The following XPNPEP1 variants were observed in gnomAD, a reference collection of about 807,000 sequenced individuals.
The protein encoded by XPNPEP1 is xaa-Pro aminopeptidase 1.
In XPNPEP1, 39 loss-of-function variants were observed where a neutral mutation model predicts 92.4. The observed-to-expected ratio is 0.42, with a 90% CI of 0.33 to 0.55. The LOEUF (loss-of-function observed/expected upper bound fraction) is 0.55. XPNPEP1 is among the 20% of genes least tolerant of loss of function. The probability of loss-of-function intolerance (pLI) is 0.08; values close to 1 mark genes in which losing one functional copy is unlikely to be tolerated. For missense variants in XPNPEP1, 654 were observed against 856.1 expected (o/e 0.76, Z 2.95); for synonymous variants, 307 against 299.4 (o/e 1.03, Z -0.26).
chr10:109,875,009 T>C (rs17126853), intron 15 of XPNPEP1, among the ~76,000 whole-genome samples: 3,878 of 152,256 alleles, frequency 0.025, 88 homozygotes, highest in Middle Eastern at 0.061. Context: ...ACTCCTTCTT[T>C]TGGGTTCCGT....
At chr10:109,898,340 T>C (rs1352545973) in intron 3 of XPNPEP1, among the ~76,000 whole-genome samples, 4 of 152,250 alleles carry the variant, frequency 2.6e-5, no homozygotes, top group African/African-American at 4.8e-5. Flanking sequence ...CTTGACTCTA[T>C]AGCAAACATA....
chr10:109,888,028 G>A, intron 7 of XPNPEP1, 21 bp downstream of exon 7: 5 of 1,612,946 alleles, frequency 3.1e-6, no homozygotes, highest in Non-Finnish European at 4.2e-6. Context: ...GGCCCTGCTG[G>A]GCAGAACCAT....
At chr10:109,877,713 A>T in intron 14 of XPNPEP1, 77 bp downstream of exon 14, 2 of 1,578,578 alleles carry the variant, frequency 1.3e-6, no homozygotes, top group Non-Finnish European at 1.7e-6. Flanking sequence ...GCCTCTGGTA[A>T]AATAATGTCT....
chr10:109,913,952 T>C (rs1259062182), intron 2 of XPNPEP1, among the ~76,000 whole-genome samples: 2 of 152,200 alleles, frequency 1.3e-5, no homozygotes, highest in Non-Finnish European at 1.5e-5. Flanking sequence ...TGGTCCAAAA[T>C]GTGTTGGATA....
At chr10:109,895,159 G>T (rs990052480) in intron 3 of XPNPEP1, among the ~76,000 whole-genome samples, 2 of 152,220 alleles carry the variant, frequency 1.3e-5, no homozygotes, top group East Asian at 3.8e-4. Context: ...AAAAATCACT[G>T]CGCACAATGG....
chr10:109,885,352 A>T (rs1202203372), intron 8 of XPNPEP1, among the ~76,000 whole-genome samples: 1 of 152,184 alleles, frequency 6.6e-6, no homozygotes, highest in Non-Finnish European at 1.5e-5. Flanking sequence ...ATTGACACTG[A>T]TTATCTCTAA....
chr10:109,869,755 T>A (rs1359352388), intron 19 of XPNPEP1, 198 bp downstream of exon 19: 3 of 515,566 alleles, frequency 5.8e-6, no homozygotes, highest in Non-Finnish European at 1.0e-5. Flanking sequence ...AAGTCCCTGA[T>A]ATCTGGAGAA....
chr10:109,874,895 G>A (rs1847694030), intron 15 of XPNPEP1, among the ~76,000 whole-genome samples: 1 of 152,186 alleles, frequency 6.6e-6, no homozygotes, highest in Non-Finnish European at 1.5e-5. Context: ...CTTGCAGTGA[G>A]CCGAGATCAC....
At chr10:109,878,698 G>A (rs1467595857) in intron 12 of XPNPEP1, among the ~76,000 whole-genome samples, 1 of 151,734 alleles carries the variant, frequency 6.6e-6, no homozygotes, top group East Asian at 1.9e-4. Flanking sequence ...GATCAGCCTG[G>A]GCAACATGGC....
chr10:109,918,633 C>T (rs1460458585), intron 1 of XPNPEP1, among the ~76,000 whole-genome samples: 1 of 151,718 alleles, frequency 6.6e-6, no homozygotes, highest in Non-Finnish European at 1.5e-5. Flanking sequence ...TGGTGGCGGG[C>T]GCATGTAGTC....
chr10:109,877,845 G>C lies in XPNPEP1; in HGVS notation c.1264C>G (p.Leu422Val), dbSNP rs374090458. 3.1e-6 allele frequency: 5 copies of C among 1,614,228 alleles called. No individual in the cohort carries two copies. Among genetic ancestry groups the C allele is most frequent in the African/African-American group, 2.7e-5 (2 of 75,054 alleles). The change falls in exon 14 of 21, where the codon CTG (leucine) becomes GTG (valine). Residue 422 changes from leucine to valine, a missense_variant. Physicochemically the swap from Leu to Val is conservative, Grantham distance 32 (BLOSUM62 1). Coordinates refer to ENST00000502935, the MANE Select transcript of XPNPEP1 (RefSeq NM_020383.4). ...FRRQQADFVD[L>V]SFPTISSTGP... ...GTACTGGAAATTGTTGGGAAGCTCA[G>C]GTCCACAAAGTCTGCCTGTTGCCTG...
intron 12 of XPNPEP1, among the ~76,000 whole-genome samples, chr10:109,879,588 A>AAATAAT (rs1408314435): frequency 1.3e-5 from 2 of 151,974 alleles, no homozygotes; most frequent in African/African-American, 4.8e-5. Flanking sequence ...AAATAAAATA[A>AAATAAT]AATAATAATA....
chr10:109,913,491 C>T (rs1849997187), intron 2 of XPNPEP1, among the ~76,000 whole-genome samples: 1 of 152,220 alleles, frequency 6.6e-6, no homozygotes, highest in African/African-American at 2.4e-5. Flanking sequence ...GTTTGTTTCT[C>T]TGTTGCACAG....
chr10:109,884,401 T>G (rs1353877016), intron 8 of XPNPEP1: 1 of 442,458 alleles, frequency 2.3e-6, no homozygotes, highest in South Asian at 3.3e-5. Flanking sequence ...GAATAAAAGC[T>G]ATTAGTTGAA....
chr10:109,867,280 G>T lies in XPNPEP1; in HGVS notation c.1872+1334C>A, dbSNP rs538104097. Among the ~76,000 whole-genome samples the T allele has an allele frequency of 2.4e-4, 36 of 152,296 alleles. No homozygotes were observed. The highest frequency in any genetic ancestry group is 1.8e-3 in the Admixed American group (28 of 15,296). On this transcript the variant is annotated intron_variant, in intron 20 of 20. Coordinates refer to ENST00000502935, the MANE Select transcript of XPNPEP1 (RefSeq NM_020383.4). The surrounding 1 kb of genome is among the most constrained non-coding windows in gnomAD (Gnocchi z 4.5). The stretch of plus-strand genomic sequence containing the variant: ...AGCTAAGGCAACACTTACAGGGGCT[G>T]GACAAGAGCCCCTGGACACTGGAAG...
chr10:109,910,632 A>T (rs1271045081), intron 2 of XPNPEP1, among the ~76,000 whole-genome samples: 1 of 151,674 alleles, frequency 6.6e-6, no homozygotes, highest in Non-Finnish European at 1.5e-5. Flanking sequence ...CCTGAATAAT[A>T]CTCCATTGTC....
chr10:109,907,908 C>A, intron 2 of XPNPEP1, 93 bp from the exon 3 acceptor site: 3 of 1,537,052 alleles, frequency 2.0e-6, no homozygotes, highest in South Asian at 2.5e-5. Context: ...GTGCCTTCTA[C>A]GTTCTGCCCC....
At chr10:109,902,375 G>A (rs1849331703) in intron 3 of XPNPEP1, among the ~76,000 whole-genome samples, 1 of 152,220 alleles carries the variant, frequency 6.6e-6, no homozygotes, top group South Asian at 2.1e-4. Context: ...CTGAGACCCA[G>A]AAAGTTTAAT....
intron 3 of XPNPEP1, among the ~76,000 whole-genome samples, chr10:109,900,502 T>C (rs1283984078): frequency 6.6e-6 from 1 of 152,190 alleles, no homozygotes; most frequent in Non-Finnish European, 1.5e-5. Context: ...TTTCCTTCTG[T>C]TGATGGCACC....
Sources: gnomAD v4.1 joint callset for allele counts (sites outside exome capture counted in the v4.1 genomes callset) on GRCh38, gnomAD v4.1.1 for gene constraint, Gnocchi (gnomAD v3.1) non-coding constraint, MANE v1.5 for transcripts, NCBI Gene and HGNC (gene_info 2026-07-23, HGNC 2026-07-21) for gene names.